RARA: variants seen among roughly 807,000 people sequenced by gnomAD.
RARA encodes the protein PML-DDX5-RARA fusion.
Under a neutral mutation model 42.8 loss-of-function variants are expected in RARA, and 5 were observed. The observed-to-expected ratio is 0.12, with a 90% CI of 0.06 to 0.25. The LOEUF is 0.25. Among genes scored for constraint, RARA ranks in the 10% least tolerant of loss-of-function variants. The pLI, the probability that RARA is intolerant of heterozygous loss-of-function variation, is 1.00. For missense variants in RARA, 402 were observed against 628.7 expected (o/e 0.64, Z 3.86); for synonymous variants, 256 against 259.5 (o/e 0.99, Z 0.13).
chr17:40,351,955 C>A lies in RARA; in HGVS notation c.515C>A (p.Pro172His), dbSNP rs771789973. 1.2e-6 allele frequency: 2 copies of A among 1,612,434 alleles called. No homozygotes were observed. Among genetic ancestry groups the A allele is most frequent in the South Asian group, 1.1e-5 (1 of 90,910 alleles). Residue 172 changes from proline (P) to histidine (H), a missense_variant, in exon 5 of 9, where the codon CCC (proline) becomes CAC (histidine). Transcript: ENST00000254066. This position sits in a 1 kb window ranked among gnomAD's most constrained non-coding sequence, Gnocchi z 4.1. ...RNKKKKEVPK[P>H]ECSESYTLTP... Reference sequence around the variant, plus strand: ...AAGAAGAAGAAGGAGGTGCCCAAGCCCGAGTGCTCTGAGAGCTACACGCTG... The same window carrying A: ...AAGAAGAAGAAGGAGGTGCCCAAGCACGAGTGCTCTGAGAGCTACACGCTG...
At chr17:40,315,132 G>GTATATATATATATATA (rs71356657) in intron 1 of RARA, among the ~76,000 whole-genome samples, 2 of 64,192 alleles carry the variant, frequency 3.1e-5, no homozygotes, top group Admixed American at 2.2e-4. Flanking sequence ...GCTTATATGT[G>GTATATATATATATATA]TATATATATA....
At chr17:40,334,154 T>C (rs2033779845) in intron 2 of RARA, among the ~76,000 whole-genome samples, 1 of 151,954 alleles carries the variant, frequency 6.6e-6, no homozygotes, top group Admixed American at 6.5e-5. Flanking sequence ...CTCCCCTCAA[T>C]GTTGCAAGCT....
intron 1 of RARA, among the ~76,000 whole-genome samples, 170 bp from the exon 2 acceptor site, chr17:40,330,687 T>C (rs772747265): frequency 1.1e-4 from 16 of 152,140 alleles, no homozygotes; most frequent in South Asian, 6.2e-4. Context: ...CCCCCAGCAG[T>C]GTCTGGGCCC....
Position 40,355,557 on chromosome 17 carries a change from A to G in RARA, c.1171+136A>G. 2 of 1,263,376 alleles carry G rather than the reference A, an allele frequency of 1.6e-6. No homozygotes were observed. The highest frequency in any genetic ancestry group is 2.1e-6 in the Non-Finnish European group (2 of 931,398). The allele number at this position is 1,263,376 out of a possible 1,614,324, so 78.3% of individuals were successfully genotyped here. A position where few individuals can be genotyped will look rare whatever the true frequency, so the allele number is the denominator to read the frequency against. On this transcript the variant is annotated intron_variant, in intron 8 of 8. Coordinates refer to ENST00000254066, the MANE Select transcript of RARA (RefSeq NM_000964.4). This position sits in a 1 kb window ranked among gnomAD's most constrained non-coding sequence, Gnocchi z 4.1. ...ATCTGTGTCTAGGCTGAGGTCCCCT[A>G]GTGACTCCACTTTGCCGAGGTGGCC...
chr17:40,347,533 G>C (rs562689615), intron 2 of RARA, among the ~76,000 whole-genome samples: 2 of 152,256 alleles, frequency 1.3e-5, no homozygotes, highest in African/African-American at 4.8e-5. Flanking sequence ...ATAACAGAAG[G>C]GGAGGGGTTA....
intron 1 of RARA, among the ~76,000 whole-genome samples, chr17:40,315,135 TATATATATATATATATA>T (rs1422924166): frequency 6.2e-5 from 2 of 32,364 alleles, no homozygotes; most frequent in Non-Finnish European, 1.4e-4. Flanking sequence ...TATATGTGTA[TATATATATATATATATA>T]TATATATATA....
At chr17:40,342,712 A>G (rs1379904327) in intron 2 of RARA, 2 of 1,611,224 alleles carry the variant, frequency 1.2e-6, no homozygotes, top group Admixed American at 1.7e-5. Flanking sequence ...AAGATGTACG[A>G]GAGTGTAGAA....
At chr17:40,342,481 C>T (rs928906552) in intron 2 of RARA, 1 of 1,275,622 alleles carries the variant, frequency 7.8e-7, no homozygotes, top group South Asian at 2.1e-5. Flanking sequence ...ACCCCCCCTC[C>T]CAGCACACAC....
intron 6 of RARA, among the ~76,000 whole-genome samples, chr17:40,353,610 C>G (rs2034521605): frequency 6.6e-6 from 1 of 152,344 alleles, no homozygotes; most frequent in East Asian, 1.9e-4. Context: ...GCACCCGCCA[C>G]CACACCCGGC....
At position 40,355,438 on chromosome 17, in the gene RARA, T is replaced by G. The variant is rs1269474925; in HGVS notation, c.1171+17T>G. 2 of 1,604,764 alleles carry G rather than the reference T, an allele frequency of 1.2e-6. No individual in the cohort carries two copies. The highest frequency in any genetic ancestry group is 4.5e-5 in the East Asian group (2 of 44,630). ...GCGCCAAGGGTGAGGCTCACAGACC[T>G]GGAGGGGTACCGGCCCCCGACACCT... On this transcript the variant is annotated intron_variant, in intron 8 of 8. Coordinates refer to ENST00000254066, the MANE Select transcript of RARA (RefSeq NM_000964.4). This position sits in a 1 kb window ranked among gnomAD's most constrained non-coding sequence, Gnocchi z 4.1.
At chr17:40,342,426 G>A in intron 2 of RARA, 1 of 1,180,972 alleles carries the variant, frequency 8.5e-7, no homozygotes, top group Non-Finnish European at 1.1e-6. Context: ...AGGTGAAGCC[G>A]CTGAGTTCCC....
intron 1 of RARA, among the ~76,000 whole-genome samples, chr17:40,310,357 T>G (rs1761964204): frequency 6.6e-6 from 1 of 150,744 alleles, no homozygotes; most frequent in Admixed American, 6.6e-5. Context: ...TGACTTACCA[T>G]GTGTGAGTGT....
At chr17:40,339,723 C>T (rs999234282) in intron 2 of RARA, among the ~76,000 whole-genome samples, 2 of 152,164 alleles carry the variant, frequency 1.3e-5, no homozygotes, top group African/African-American at 2.4e-5. Flanking sequence ...ACACTCATCT[C>T]GCTACCCAGA....
At chr17:40,313,444 T>A (rs1245985873) in intron 1 of RARA, among the ~76,000 whole-genome samples, 1 of 152,144 alleles carries the variant, frequency 6.6e-6, no homozygotes, top group Non-Finnish European at 1.5e-5. Context: ...CAGAATTCAG[T>A]CTGCTTTCTG....
chr17:40,340,547 C>T (rs551049680), intron 2 of RARA, among the ~76,000 whole-genome samples: 4 of 152,292 alleles, frequency 2.6e-5, no homozygotes, highest in African/African-American at 7.2e-5. Flanking sequence ...TGCACAGACT[C>T]GCCCTTTAAC....
intron 1 of RARA, among the ~76,000 whole-genome samples, chr17:40,327,749 G>A (rs1003614227): frequency 4.6e-5 from 7 of 152,204 alleles, no homozygotes; most frequent in African/African-American, 1.7e-4. Flanking sequence ...GCATGCATGA[G>A]TTTGTATGTG....
intron 1 of RARA, among the ~76,000 whole-genome samples, chr17:40,313,349 C>T (rs1265936374): frequency 6.6e-6 from 1 of 152,136 alleles, no homozygotes; most frequent in Non-Finnish European, 1.5e-5. Flanking sequence ...CAGAAGGAGG[C>T]CCCCTCTGAG....
At position 40,352,256 on chromosome 17, in the gene RARA, G is replaced by A. The variant is rs542012853; in HGVS notation, c.631-75G>A. On this transcript the variant is annotated intron_variant, in intron 5 of 8. Coordinates refer to ENST00000254066, the MANE Select transcript of RARA (RefSeq NM_000964.4). This position sits in a 1 kb window ranked among gnomAD's most constrained non-coding sequence, Gnocchi z 4.9. Reference sequence around the variant, plus strand: ...GGAAGTGAAGGCTGGGTAGAGGGCAGGCCTGTGGGGGCTGGAGCCAGGCTG... The same window carrying A: ...GGAAGTGAAGGCTGGGTAGAGGGCAAGCCTGTGGGGGCTGGAGCCAGGCTG... 2.2e-4 allele frequency: 330 copies of A among 1,533,236 alleles called. 1 individual carries two copies. The African/African-American group carries it at 4.2e-3, about 20-fold the overall frequency. The allele number at this position is 1,533,236 out of a possible 1,614,324, so 95.0% of individuals were successfully genotyped here. A position where few individuals can be genotyped will look rare whatever the true frequency, so the allele number is the denominator to read the frequency against.
chr17:40,341,628 C>G (rs1335806227), intron 2 of RARA: 37 of 1,347,782 alleles, frequency 2.7e-5, no homozygotes, highest in Non-Finnish European at 3.4e-5. Context: ...GGGTGGGTCA[C>G]TCGGAGGTGA....
Sources: gnomAD v4.1 joint callset for allele counts (sites outside exome capture counted in the v4.1 genomes callset) on GRCh38, gnomAD v4.1.1 for gene constraint, Gnocchi (gnomAD v3.1) non-coding constraint, MANE v1.5 for transcripts, NCBI Gene and HGNC (gene_info 2026-07-23, HGNC 2026-07-21) for gene names.